The following SPIDR variants were observed in gnomAD, a reference collection of about 807,000 sequenced individuals.
The protein encoded by SPIDR is scaffold protein involved in DNA repair.
A neutral mutation model predicts 104.6 loss-of-function variants in SPIDR; 93 were observed. That is an observed-to-expected ratio of 0.89 (90% CI 0.75 to 1.06). SPIDR has a LOEUF of 1.06. Ranked by LOEUF, SPIDR falls within the 50% of genes least tolerant of loss-of-function variation. The pLI is 0.00. For synonymous variants in SPIDR, 431 were observed against 416.9 expected, an observed-to-expected ratio of 1.03 and a Z score of -0.41; for missense variants, 1,154 against 1,111.2, an observed-to-expected ratio of 1.04 and a Z score of -0.55.
chr8:47,408,615 A>G (rs2063079713), intron 7 of SPIDR, among the ~76,000 whole-genome samples: 1 of 152,162 alleles, frequency 6.6e-6, no homozygotes, highest in Admixed American at 6.5e-5. Context: ...AGAAAAAGAG[A>G]TAAAAGATAT....
chr8:47,539,762 C>T (rs943611252), intron 8 of SPIDR, among the ~76,000 whole-genome samples: 1 of 150,760 alleles, frequency 6.6e-6, no homozygotes, highest in Non-Finnish European at 1.5e-5. Context: ...AAAAAAAAAA[C>T]CCTTTTCCCA....
chr8:47,692,376 C>T (rs1297714837), intron 11 of SPIDR, among the ~76,000 whole-genome samples: 7 of 152,072 alleles, frequency 4.6e-5, no homozygotes, highest in South Asian at 4.2e-4. Flanking sequence ...TGGATTTGCC[C>T]GTTCTGGACG....
At chr8:47,510,297 A>T (rs1186145701) in intron 8 of SPIDR, among the ~76,000 whole-genome samples, 1 of 152,260 alleles carries the variant, frequency 6.6e-6, no homozygotes, top group Admixed American at 6.5e-5. Context: ...TGACAGAGTT[A>T]CAGTGCGGAG....
intron 10 of SPIDR, among the ~76,000 whole-genome samples, chr8:47,631,114 G>A (rs1202070063): frequency 6.6e-6 from 1 of 152,106 alleles, no homozygotes; most frequent in East Asian, 1.9e-4. Context: ...CACTCCCAAA[G>A]GTCACATAGG....
intron 8 of SPIDR, among the ~76,000 whole-genome samples, chr8:47,450,574 A>C (rs1442094269): frequency 6.6e-6 from 1 of 152,208 alleles, no homozygotes; most frequent in Non-Finnish European, 1.5e-5. Context: ...CAGTTGTTGT[A>C]TTGTAGGACT....
intron 10 of SPIDR, among the ~76,000 whole-genome samples, chr8:47,630,916 A>G (rs917870052): frequency 3.9e-5 from 6 of 152,174 alleles, no homozygotes; most frequent in African/African-American, 1.4e-4. Flanking sequence ...ATGGGGCAGA[A>G]GGCACAGTAC....
rs899818697 is a variant in SPIDR at position 47,293,884 on chromosome 8, G to A, written c.379G>A (p.Asp127Asn). The change falls in exon 5 of 20, where the codon GAC (aspartate) becomes AAC (asparagine). Residue 127 changes from aspartate (D) to asparagine (N), a missense_variant. Coordinates refer to ENST00000297423, the MANE Select transcript of SPIDR (RefSeq NM_001080394.4). ...QLQRDELQFI[D>N]WEIDSDRAEA... ...TTTTTTAGATGAATTACAGTTTATC[G>A]ACTGGGAGATTGACAGTGACAGGGC... 8.4e-5 allele frequency: 135 copies of A among 1,609,328 alleles called. No individual in the cohort carries two copies. The highest frequency in any genetic ancestry group is 2.4e-4 in the Admixed American group (14 of 59,102).
intron 5 of SPIDR, among the ~76,000 whole-genome samples, chr8:47,309,508 T>C (rs2043734620): frequency 6.6e-6 from 1 of 152,212 alleles, no homozygotes; most frequent in Admixed American, 6.5e-5. Flanking sequence ...ATCTCCCTTC[T>C]TGTATAGCTG....
rs141852491 is a variant in SPIDR, at chr8:47,471,107, G to A, written c.1097+30565G>A. 7.9e-5 allele frequency among the ~76,000 whole-genome samples: 12 copies of A among 152,258 alleles called. No homozygotes were observed. In the East Asian group the frequency reaches 1.7e-3, roughly 22 times the overall value. ...TAGGGGAATGTCTTGATGACACTGC[G>A]TTTGGCAGTGATTTCTTGGATATGA... On this transcript the variant is annotated intron_variant, in intron 8 of 19. Transcript: ENST00000297423.
intron 8 of SPIDR, among the ~76,000 whole-genome samples, chr8:47,489,916 C>G (rs1349367685): frequency 6.6e-6 from 1 of 152,056 alleles, no homozygotes; most frequent in Non-Finnish European, 1.5e-5. Flanking sequence ...AAAACCTAGG[C>G]AATACCATTC....
chr8:47,617,170 C>T (rs1460791458), intron 10 of SPIDR, among the ~76,000 whole-genome samples: 1 of 152,266 alleles, frequency 6.6e-6, no homozygotes, highest in East Asian at 1.9e-4. Context: ...ATCATAGTTG[C>T]TGGCTCAGGT....
chr8:47,641,255 C>T (rs748642063), intron 10 of SPIDR, among the ~76,000 whole-genome samples: 2 of 151,972 alleles, frequency 1.3e-5, no homozygotes, highest in Non-Finnish European at 2.9e-5. Context: ...CAACCCCTGT[C>T]CTCAAGCCAT....
rs1045752648 is a variant in SPIDR, at chr8:47,348,954, A to G, written c.526-47422A>G. Among the ~76,000 whole-genome samples the G allele has an allele frequency of 8.5e-5, 13 of 152,286 alleles. No individual in the cohort carries two copies. The East Asian group carries it at 1.2e-3, about 14-fold the overall frequency. On this transcript the variant is annotated intron_variant, in intron 5 of 19. Coordinates refer to ENST00000297423, the MANE Select transcript of SPIDR (RefSeq NM_001080394.4). ...GATATTCTGAAGCCTACTTCTGTCA[A>G]CTTGTCAAAGTCATTCTCCGTCCAG...
At chr8:47,261,272 A>G (rs2032181531) in intron 1 of SPIDR, among the ~76,000 whole-genome samples, 1 of 152,194 alleles carries the variant, frequency 6.6e-6, no homozygotes, top group Admixed American at 6.5e-5. Flanking sequence ...GCGGGAGCAT[A>G]TGTCCGCCTC....
intron 10 of SPIDR, among the ~76,000 whole-genome samples, chr8:47,658,029 C>CAAAAAAAAAAAAAAAAAAAAAAA (rs34648437): frequency 1.3e-4 from 10 of 76,038 alleles, no homozygotes; most frequent in South Asian, 5.2e-4. Context: ...GACCCTGTCT[C>CAAAAAAAAAAAAAAAAAAAAAAA]AAAAAAAAAA....
intron 11 of SPIDR, among the ~76,000 whole-genome samples, chr8:47,680,083 G>A (rs940271879): frequency 1.3e-5 from 2 of 152,168 alleles, no homozygotes; most frequent in African/African-American, 4.8e-5. Context: ...TGACAACCAC[G>A]CTAGCCATGT....
chr8:47,678,942 T>C (rs2076769003), intron 11 of SPIDR, among the ~76,000 whole-genome samples: 1 of 152,184 alleles, frequency 6.6e-6, no homozygotes, highest in Non-Finnish European at 1.5e-5. Flanking sequence ...AAAGTTCCTT[T>C]GTAGCCCCCA....
intron 10 of SPIDR, among the ~76,000 whole-genome samples, chr8:47,608,918 G>A (rs1023010971): frequency 5.3e-5 from 8 of 152,070 alleles, no homozygotes; most frequent in Non-Finnish European, 7.4e-5. Flanking sequence ...TAGTAGAGAC[G>A]GGGTTTCACC....
chr8:47,555,140 G>C (rs2091166730), intron 8 of SPIDR, among the ~76,000 whole-genome samples: 2 of 151,942 alleles, frequency 1.3e-5, no homozygotes, highest in Non-Finnish European at 2.9e-5. Flanking sequence ...CTCCCACTCT[G>C]TACTTATGAT....
Sources: allele counts gnomAD v4.1 joint callset (sites outside exome capture counted in the v4.1 genomes callset), GRCh38; gene constraint gnomAD v4.1.1; transcripts MANE v1.5; gene names NCBI Gene and HGNC (gene_info 2026-07-23, HGNC 2026-07-21).